Variants in TXNRD1 observed in about 807,000 individuals in gnomAD.
TXNRD1 encodes thioredoxin reductase 1, cytoplasmic.
A neutral mutation model predicts 80.3 loss-of-function variants in TXNRD1; 57 were observed. That is an observed-to-expected ratio of 0.71 (90% CI 0.57 to 0.89). TXNRD1 has a LOEUF of 0.89. Ranked by LOEUF, TXNRD1 falls within the 40% of genes least tolerant of loss-of-function variation. The pLI is 0.00. For missense variants in TXNRD1, 730 were observed against 803.0 expected (o/e 0.91, Z 1.10); for synonymous variants, 291 against 285.2 (o/e 1.02, Z -0.20).
intron 3 of TXNRD1, among the ~76,000 whole-genome samples, chr12:104,263,028 A>G (rs2033402353): frequency 6.6e-6 from 1 of 152,180 alleles, no homozygotes; most frequent in Non-Finnish European, 1.5e-5. Context: ...TAAGGTTATT[A>G]TTTGAAAACA....
chr12:104,288,857 C>T (rs1438640689), intron 3 of TXNRD1, 74 bp from the exon 4 acceptor site: 3 of 1,612,448 alleles, frequency 1.9e-6, no homozygotes, highest in Non-Finnish European at 8.5e-7. Flanking sequence ...GGAAGCCCCG[C>T]CCCCGGCGCA....
At chr12:104,325,684 C>G (rs1356092805) in intron 11 of TXNRD1, among the ~76,000 whole-genome samples, 1 of 152,112 alleles carries the variant, frequency 6.6e-6, no homozygotes, top group East Asian at 1.9e-4. Context: ...CCATCCTGGC[C>G]AACGTGGTGA....
At chr12:104,306,425 C>T (rs2034918177) in intron 4 of TXNRD1, among the ~76,000 whole-genome samples, 1 of 152,172 alleles carries the variant, frequency 6.6e-6, no homozygotes, top group Non-Finnish European at 1.5e-5. Context: ...CCCTTGATCC[C>T]TATAGGAGCT....
chr12:104,216,747 C>G (rs578178356), intron 1 of TXNRD1, among the ~76,000 whole-genome samples: 3 of 152,240 alleles, frequency 2.0e-5, no homozygotes, highest in Non-Finnish European at 4.4e-5. Context: ...CTCAAAAGCC[C>G]TGGTCATAGT....
intron 16 of TXNRD1, among the ~76,000 whole-genome samples, chr12:104,343,360 T>A (rs1056251173): frequency 6.6e-6 from 1 of 152,136 alleles, no homozygotes; most frequent in South Asian, 2.1e-4. Context: ...ATATTTGGCA[T>A]AGAATTTAAA....
At chr12:104,335,641 A>G (rs2036112472) in intron 15 of TXNRD1, among the ~76,000 whole-genome samples, 1 of 152,186 alleles carries the variant, frequency 6.6e-6, no homozygotes, top group Non-Finnish European at 1.5e-5. Flanking sequence ...ACACTGGTAT[A>G]TTCATATACA....
intron 3 of TXNRD1, among the ~76,000 whole-genome samples, chr12:104,262,936 G>A (rs1173376409): frequency 6.6e-6 from 1 of 152,122 alleles, no homozygotes; most frequent in Non-Finnish European, 1.5e-5. Context: ...AAGAGAAGTT[G>A]TGCTACCAGG....
At chr12:104,299,328 C>T (rs1431201100) in intron 4 of TXNRD1, among the ~76,000 whole-genome samples, 1 of 151,678 alleles carries the variant, frequency 6.6e-6, no homozygotes, top group Middle Eastern at 3.2e-3. Flanking sequence ...CCAGATCGTC[C>T]CCTCCCACAG....
rs557630585 is a variant in TXNRD1 at position 104,249,796 on chromosome 12, G to A, written c.92-1731G>A. Among the ~76,000 whole-genome samples the A allele has an allele frequency of 4.4e-4, 67 of 151,968 alleles. No homozygotes were observed. In the East Asian group the frequency reaches 0.011, roughly 25 times the overall value. On this transcript the variant is annotated intron_variant, in intron 1 of 16. Transcript: ENST00000525566. ...TAAAAATACAAAAAATTAGCCGGGC[G>A]TGGTGGCAGGCGCCTGTAGTCCCAG...
chr12:104,268,535 A>G (rs915373682), intron 3 of TXNRD1, among the ~76,000 whole-genome samples: 1 of 151,860 alleles, frequency 6.6e-6, no homozygotes, highest in Non-Finnish European at 1.5e-5. Context: ...AAAAAAAAAG[A>G]AAGAAAGAGA....
At chr12:104,226,715 C>CA (rs1199527085) in intron 1 of TXNRD1, among the ~76,000 whole-genome samples, 1 of 152,202 alleles carries the variant, frequency 6.6e-6, no homozygotes, top group African/African-American at 2.4e-5. Flanking sequence ...TAAGTCCTCT[C>CA]AAGCTGTAAA....
At chr12:104,261,218 C>T (rs1322674564) in intron 3 of TXNRD1, among the ~76,000 whole-genome samples, 4 of 151,146 alleles carry the variant, frequency 2.6e-5, no homozygotes, top group Non-Finnish European at 5.9e-5. Context: ...GGTTGGAGTG[C>T]GATGGCACGA....
Position 104,251,659 on chromosome 12 carries a change from C to T in TXNRD1, c.224C>T (p.Thr75Ile), listed in dbSNP as rs1442727611. The T allele has an allele frequency of 3.1e-6, 5 of 1,613,966 alleles. No homozygotes were observed. Among genetic ancestry groups the T allele is most frequent in the Admixed American group, 3.3e-5 (2 of 60,008 alleles). Residue 75 changes from threonine (T) to isoleucine (I), a missense_variant, in exon 2 of 17, where the codon ACA becomes ATA. Transcript: ENST00000525566. ...GHSVVIFSRS[T>I]CTRCTEVKKL... ...TCTGTGGTCATCTTCAGTAGGTCCA[C>T]ATGCACACGCTGTACTGAGGTAAGG...
In TXNRD1 at chr12:104,251,565, C is replaced by A; in HGVS notation, c.130C>A (p.Pro44Thr). 2 of 1,613,888 alleles carry A rather than the reference C, an allele frequency of 1.2e-6. No homozygotes were observed. Among genetic ancestry groups the A allele is most frequent in the South Asian group, 1.1e-5 (1 of 91,080 alleles). Reference protein sequence around the residue: ...HHPGKTLPENPAGFTSTATAD... With the variant: ...HHPGKTLPENTAGFTSTATAD... ...CCCTGGTAAAACTTTGCCAGAGAACCCAGCAGGATTCACCAGCACGGCCAC... is the reference window on the plus strand; with the variant it reads ...CCCTGGTAAAACTTTGCCAGAGAACACAGCAGGATTCACCAGCACGGCCAC... The change falls in exon 2 of 17, where the codon CCA becomes ACA. Residue 44 changes from proline (P) to threonine (T), a missense_variant. By Grantham distance (38) the Pro-to-Thr change is conservative. Coordinates refer to ENST00000525566, the MANE Select transcript of TXNRD1 (RefSeq NM_001093771.3).
chr12:104,251,118 T>C (rs2135703782), intron 1 of TXNRD1, among the ~76,000 whole-genome samples: 1 of 152,356 alleles, frequency 6.6e-6, no homozygotes, highest in South Asian at 2.1e-4. Flanking sequence ...TGCCCCTATG[T>C]CTGTAAGCAG....
chr12:104,218,141 C>G (rs1466083154), intron 1 of TXNRD1, among the ~76,000 whole-genome samples: 1 of 152,026 alleles, frequency 6.6e-6, no homozygotes, highest in Non-Finnish European at 1.5e-5. Flanking sequence ...AATTCTCCTC[C>G]CTCAGTCTCC....
At chr12:104,248,718 C>T (rs540266864) in intron 1 of TXNRD1, among the ~76,000 whole-genome samples, 20 of 152,304 alleles carry the variant, frequency 1.3e-4, no homozygotes, top group Admixed American at 1.1e-3. Flanking sequence ...CTTCCACTTA[C>T]GGCAGATACT....
At chr12:104,346,264 T>A in intron 16 of TXNRD1, 1 of 189,196 alleles carries the variant, frequency 5.3e-6, no homozygotes. Context: ...CCTCCCGCCT[T>A]GGCTTCCCAA....
chr12:104,241,703 T>G (rs955278186), intron 1 of TXNRD1, among the ~76,000 whole-genome samples: 2 of 151,462 alleles, frequency 1.3e-5, no homozygotes, highest in Admixed American at 1.3e-4. Context: ...TTTTATTTAT[T>G]TATTTATTTA....
Sources: gnomAD v4.1 joint callset for allele counts (sites outside exome capture counted in the v4.1 genomes callset) on GRCh38, gnomAD v4.1.1 for gene constraint, MANE v1.5 for transcripts, NCBI Gene and HGNC (gene_info 2026-07-23, HGNC 2026-07-21) for gene names.